Variants in PRP4K observed in about 807,000 individuals in gnomAD.
PRP4K encodes serine/threonine-protein kinase PRP4 homolog.
the PRP4K span, chr6:4,049,638 T>C: frequency 7.9e-7 from 1 of 1,270,024 alleles, no homozygotes; most frequent in Non-Finnish European, 1.1e-6. Flanking sequence ...ATAGTAGAGA[T>C]TTAACACAAT....
chr6:4,023,018 G>A, the PRP4K span, among the ~76,000 whole-genome samples: 2 of 152,156 alleles, frequency 1.3e-5, no homozygotes, highest in Admixed American at 6.5e-5. Context: ...TGCTGTATGA[G>A]TAACAGAGAT....
the PRP4K span, chr6:4,057,212 T>G: frequency 6.2e-7 from 1 of 1,600,740 alleles, no homozygotes; most frequent in Non-Finnish European, 8.5e-7. Flanking sequence ...TGAGCTTCTT[T>G]AAGGTCTTAG....
the PRP4K span, chr6:4,044,280 A>T: frequency 1.0e-5 from 4 of 382,150 alleles, no homozygotes. Flanking sequence ...TGCTATTTTA[A>T]AGCAAATCCA....
At chr6:4,023,742 G>A in the PRP4K span, among the ~76,000 whole-genome samples, 1 of 151,926 alleles carries the variant, frequency 6.6e-6, no homozygotes, top group African/African-American at 2.4e-5. Context: ...TTTGAAACAC[G>A]AGCTCTTGTC....
the PRP4K span, among the ~76,000 whole-genome samples, chr6:4,028,550 C>T: frequency 2.0e-5 from 3 of 152,130 alleles, no homozygotes; most frequent in African/African-American, 7.2e-5. Flanking sequence ...TTTTCCAAGT[C>T]TTTGAGAAAA....
At chr6:4,060,705 A>G in the PRP4K span, 5 of 1,186,170 alleles carry the variant, frequency 4.2e-6, no homozygotes, top group Non-Finnish European at 5.8e-6. This position sits in a 1 kb window ranked among gnomAD's most constrained non-coding sequence, Gnocchi z 4.7. Flanking sequence ...ACTTATAAAT[A>G]TTTCTCCAGC....
At chr6:4,057,203 GAGCTTCTTT>G in the PRP4K span, 1 of 1,605,008 alleles carries the variant, frequency 6.2e-7, no homozygotes, top group South Asian at 1.1e-5. Context: ...ACATTAGCAT[GAGCTTCTTT>G]AAGGTCTTAG....
chr6:4,026,461 C>G, the PRP4K span, among the ~76,000 whole-genome samples: 298 of 152,106 alleles, frequency 2.0e-3, 5 homozygotes, highest in Non-Finnish European at 8.1e-4. Context: ...CGCCATTATG[C>G]CCGGCTAGTT....
At chr6:4,055,114 A>G in the PRP4K span, among the ~76,000 whole-genome samples, 1 of 152,222 alleles carries the variant, frequency 6.6e-6, no homozygotes, top group Admixed American at 6.5e-5. Context: ...TTTAAGTACC[A>G]CATTCCTCAT....
At chr6:4,055,242 G>A in the PRP4K span, among the ~76,000 whole-genome samples, 2 of 152,186 alleles carry the variant, frequency 1.3e-5, no homozygotes, top group Admixed American at 1.3e-4. Context: ...TTTTAAAATG[G>A]TTCTTAAGTT....
chr6:4,029,010 A>ATTTTTTTTTTTTT, the PRP4K span, among the ~76,000 whole-genome samples: 10 of 110,132 alleles, frequency 9.1e-5, no homozygotes, highest in South Asian at 2.7e-4. Flanking sequence ...TCTACTTGGA[A>ATTTTTTTTTTTTT]TCTTTTTTTT....
the PRP4K span, among the ~76,000 whole-genome samples, chr6:4,034,505 C>G: frequency 6.6e-6 from 1 of 152,042 alleles, no homozygotes; most frequent in African/African-American, 2.4e-5. Context: ...AGGTCAATTT[C>G]TACTTCTACT....
the PRP4K span, chr6:4,037,543 G>C: frequency 1.9e-6 from 3 of 1,613,218 alleles, no homozygotes; most frequent in Non-Finnish European, 2.5e-6. Context: ...AGGTCTCCAA[G>C]AAGAAGAAGC....
chr6:4,045,438 C>A, the PRP4K span, among the ~76,000 whole-genome samples: 1 of 152,156 alleles, frequency 6.6e-6, no homozygotes, highest in Admixed American at 6.5e-5. Context: ...ATCCCTGGTT[C>A]CATTTAATAG....
the PRP4K span, among the ~76,000 whole-genome samples, chr6:4,057,655 A>G: frequency 6.6e-6 from 1 of 152,106 alleles, no homozygotes; most frequent in African/African-American, 2.4e-5. Context: ...ATATCTTTCT[A>G]ACTCACCGCT....
the PRP4K span, among the ~76,000 whole-genome samples, chr6:4,046,053 A>G: frequency 6.6e-6 from 1 of 152,316 alleles, no homozygotes; most frequent in East Asian, 1.9e-4. Context: ...TGATATTTGA[A>G]TTGTGTCCAG....
At chr6:4,032,280 G>C in the PRP4K span, 1 of 1,613,340 alleles carries the variant, frequency 6.2e-7, no homozygotes, top group African/African-American at 1.3e-5. Context: ...AATTGGTAAG[G>C]CCAGATCTCC....
At chr6:4,049,608 C>A in the PRP4K span, 1 of 954,894 alleles carries the variant, frequency 1.0e-6, no homozygotes, top group Non-Finnish European at 1.6e-6. Flanking sequence ...TTTGATTCTT[C>A]ATTGTGTCTA....
At chr6:4,032,973 T>G in the PRP4K span, among the ~76,000 whole-genome samples, 2 of 152,240 alleles carry the variant, frequency 1.3e-5, no homozygotes, top group Admixed American at 1.3e-4. Context: ...TAACAAATAC[T>G]GAGCTTGATG....
Sources: allele counts gnomAD v4.1 joint callset (sites outside exome capture counted in the v4.1 genomes callset), GRCh38; gene constraint gnomAD v4.1.1; non-coding constraint Gnocchi (gnomAD v3.1); transcripts MANE v1.5; gene names NCBI Gene and HGNC (gene_info 2026-07-23, HGNC 2026-07-21).